AGBL4: variants seen among roughly 807,000 people sequenced by gnomAD.
AGBL4 encodes the protein AGBL carboxypeptidase 4, also known as cytosolic carboxypeptidase 6.
Under a neutral mutation model 66.4 loss-of-function variants are expected in AGBL4, and 58 were observed. The observed-to-expected ratio is 0.87, with a 90% CI of 0.71 to 1.09. The LOEUF (loss-of-function observed/expected upper bound fraction) is 1.09. Ranked by LOEUF, AGBL4 falls within the 50% of genes least tolerant of loss-of-function variation. AGBL4 has a pLI of 0.00. For synonymous variants in AGBL4, 234 were observed against 222.9 expected, an observed-to-expected ratio of 1.05 and a Z score of -0.44; for missense variants, 579 against 631.0, an observed-to-expected ratio of 0.92 and a Z score of 0.88.
chr1:48,526,784 G>C, the AGBL4 span, among the ~76,000 whole-genome samples: 21 of 151,824 alleles, frequency 1.4e-4, no homozygotes, highest in Admixed American at 5.2e-4. Context: ...AACCACACCA[G>C]CAACAATTGT....
intron 5 of AGBL4, among the ~76,000 whole-genome samples, chr1:49,025,974 C>T (rs919208333): frequency 6.6e-5 from 10 of 152,076 alleles, no homozygotes; most frequent in African/African-American, 2.4e-4. Flanking sequence ...AATATGTCAT[C>T]TATTTCAAGT....
chr1:49,390,061 T>A (rs946948289), intron 3 of AGBL4, among the ~76,000 whole-genome samples: 1 of 152,130 alleles, frequency 6.6e-6, no homozygotes, highest in Non-Finnish European at 1.5e-5. Flanking sequence ...TTCTCTCTGG[T>A]AAATTCAATT....
intron 6 of AGBL4, among the ~76,000 whole-genome samples, chr1:48,690,061 C>T (rs547290928): frequency 2.0e-5 from 3 of 152,358 alleles, no homozygotes; most frequent in East Asian, 1.9e-4. Flanking sequence ...ATCAGCACCT[C>T]GAGGTCAAGA....
chr1:48,646,433 G>A (rs184365130), intron 8 of AGBL4, among the ~76,000 whole-genome samples: 2 of 151,402 alleles, frequency 1.3e-5, no homozygotes, highest in East Asian at 3.9e-4. Flanking sequence ...GCTGATTTTA[G>A]GTTCTGTTCT....
chr1:48,615,917 C>T (rs1341329023), intron 9 of AGBL4, among the ~76,000 whole-genome samples: 2 of 152,044 alleles, frequency 1.3e-5, no homozygotes, highest in Admixed American at 1.3e-4. Context: ...CATGATGGGG[C>T]CTTGAAAGGT....
intron 4 of AGBL4, among the ~76,000 whole-genome samples, chr1:49,097,474 T>A (rs1645126945): frequency 6.6e-6 from 1 of 152,170 alleles, no homozygotes; most frequent in Non-Finnish European, 1.5e-5. Context: ...TATACTTAAT[T>A]TAAAAAAACC....
chr1:49,245,296 A>AC (rs1651553395), intron 4 of AGBL4, among the ~76,000 whole-genome samples: 9 of 144,174 alleles, frequency 6.2e-5, no homozygotes, highest in African/African-American at 1.8e-4. Context: ...ACACACACAC[A>AC]AAACACAAAA....
At chr1:49,049,654 A>C (rs541777703) in intron 4 of AGBL4, among the ~76,000 whole-genome samples, 4 of 152,108 alleles carry the variant, frequency 2.6e-5, no homozygotes, top group Non-Finnish European at 5.9e-5. Flanking sequence ...ATTCTAGTTC[A>C]GTATAAAGTA....
chr1:49,719,403 A>G (rs11205641), intron 2 of AGBL4, among the ~76,000 whole-genome samples: 64,427 of 151,986 alleles, frequency 0.42, 16,186 homozygotes, highest in Non-Finnish European at 0.57. Context: ...GGATAAGGCA[A>G]TTTACCAAAT....
Position 49,215,514 on chromosome 1 carries a change from T to C in AGBL4, c.377+30256A>G, listed in dbSNP as rs559690999. ...TGCCAAAGACCTGCCAGAATTCCTA[T>C]ACATTCTCAGGGTTCACTTCTGTTT... On this transcript the variant is annotated intron_variant, in intron 4 of 13. Coordinates refer to ENST00000371839, the MANE Select transcript of AGBL4 (RefSeq NM_032785.4). 4.6e-5 allele frequency among the ~76,000 whole-genome samples: 7 copies of C among 152,214 alleles called. 1 individual carries two copies. In the South Asian group the frequency reaches 1.4e-3, roughly 32 times the overall value.
At chr1:48,978,099 G>T (rs1659483680) in intron 5 of AGBL4, among the ~76,000 whole-genome samples, 1 of 152,142 alleles carries the variant, frequency 6.6e-6, no homozygotes, top group African/African-American at 2.4e-5. Context: ...ACATATTTAT[G>T]CATATGAAAA....
chr1:49,948,438 TATATATAAATATATAAATATAGATAA>T (rs1557609693), intron 1 of AGBL4, among the ~76,000 whole-genome samples: 29 of 103,606 alleles, frequency 2.8e-4, no homozygotes, highest in East Asian at 1.7e-3. Context: ...AATATATAAA[TATATATAAATATATAAATATAGATAA>T]ATATATAAAT....
At chr1:48,682,228 T>C (rs1326195161) in intron 6 of AGBL4, among the ~76,000 whole-genome samples, 4 of 152,198 alleles carry the variant, frequency 2.6e-5, no homozygotes, top group Non-Finnish European at 5.9e-5. Context: ...TTCCTGTTGT[T>C]GAAGCCATGC....
At chr1:48,981,562 C>T (rs1015576112) in intron 5 of AGBL4, among the ~76,000 whole-genome samples, 5 of 152,062 alleles carry the variant, frequency 3.3e-5, no homozygotes, top group African/African-American at 1.2e-4. Flanking sequence ...ATCAAACAAA[C>T]ATAAAACAGG....
intron 2 of AGBL4, among the ~76,000 whole-genome samples, chr1:49,846,582 A>G (rs1348253388): frequency 2.6e-5 from 4 of 152,350 alleles, no homozygotes; most frequent in African/African-American, 7.2e-5. Context: ...CTCCATAAAT[A>G]TATACACCTA....
intron 9 of AGBL4, among the ~76,000 whole-genome samples, chr1:48,591,974 C>T (rs1644925286): frequency 6.6e-6 from 1 of 152,218 alleles, no homozygotes; most frequent in African/African-American, 2.4e-5. Context: ...GATTGCTCCA[C>T]ATACTGTAAT....
At chr1:48,776,770 A>C in intron 6 of AGBL4, 1 of 1,524,966 alleles carries the variant, frequency 6.6e-7, no homozygotes. Flanking sequence ...GAAGTCGCGC[A>C]CGCACGACAC....
At chr1:48,539,780 G>A (rs926459766) in intron 11 of AGBL4, 42 bp from the exon 12 acceptor site, 9 of 1,327,094 alleles carry the variant, frequency 6.8e-6, no homozygotes, top group Non-Finnish European at 8.1e-6. Context: ...AAAACAGATT[G>A]AGACAGAGTG....
intron 6 of AGBL4, among the ~76,000 whole-genome samples, chr1:48,851,853 T>C (rs1055357687): frequency 6.6e-6 from 1 of 151,348 alleles, no homozygotes; most frequent in Non-Finnish European, 1.5e-5. Context: ...ATGCCAAACA[T>C]AGAGCCTATT....
Sources: allele counts gnomAD v4.1 joint callset (sites outside exome capture counted in the v4.1 genomes callset), GRCh38; gene constraint gnomAD v4.1.1; transcripts MANE v1.5; gene names NCBI Gene and HGNC (gene_info 2026-07-23, HGNC 2026-07-21).